ADAMTS9: variants seen among roughly 807,000 people sequenced by gnomAD.
ADAMTS9 encodes A disintegrin and metalloproteinase with thrombospondin motifs 9.
In ADAMTS9, 107 loss-of-function variants were observed where a neutral mutation model predicts 257.1. The observed-to-expected ratio is 0.42, with a 90% CI of 0.36 to 0.49. The LOEUF (loss-of-function observed/expected upper bound fraction) is 0.49. ADAMTS9 is among the 20% of genes least tolerant of loss of function. ADAMTS9 has a pLI of 0.03. For synonymous variants in ADAMTS9, 982 were observed against 880.9 expected, an observed-to-expected ratio of 1.11 and a Z score of -2.03; for missense variants, 2,353 against 2,469.1, an observed-to-expected ratio of 0.95 and a Z score of 1.00.
intron 14 of ADAMTS9, among the ~76,000 whole-genome samples, chr3:64,632,166 TCTACTGGATCAGAGTTGG>T (rs1380220115): frequency 6.6e-6 from 1 of 152,144 alleles, no homozygotes; most frequent in East Asian, 1.9e-4. Context: ...CCCACCCAGA[TCTACTGGATCAGAGTTGG>T]CATTTTAATA....
chr3:64,687,723 G>T lies in ADAMTS9; in HGVS notation c.-66C>A. 1 of 1,268,010 alleles carries T rather than the reference G, an allele frequency of 7.9e-7. No homozygotes were observed. Among genetic ancestry groups the T allele is most frequent in the Non-Finnish European group, 1.1e-6 (1 of 945,764 alleles). The allele number at this position is 1,268,010 out of a possible 1,614,324, so 78.5% of individuals were successfully genotyped here. A position where few individuals can be genotyped will look rare whatever the true frequency, so the allele number is the denominator to read the frequency against. On this transcript the variant is annotated 5_prime_UTR_variant, in exon 1 of 40. Coordinates refer to ENST00000498707, the MANE Select transcript of ADAMTS9 (RefSeq NM_182920.2). This position sits in a 1 kb window ranked among gnomAD's most constrained non-coding sequence, Gnocchi z 4.4. ...CCTCCTGCCCTCCTTGGCTGCGGCG[G>T]CGACGCGAGGCAGCGGCCGTGGAGA...
intron 16 of ADAMTS9, among the ~76,000 whole-genome samples, chr3:64,627,912 T>G (rs998353330): frequency 1.3e-5 from 2 of 152,198 alleles, no homozygotes; most frequent in African/African-American, 4.8e-5. Context: ...ACCTTCTCAG[T>G]GCATGTGCTG....
At chr3:64,664,084 A>G (rs1019592799) in intron 3 of ADAMTS9, among the ~76,000 whole-genome samples, 1 of 152,144 alleles carries the variant, frequency 6.6e-6, no homozygotes, top group African/African-American at 2.4e-5. Context: ...AGCTTTTAGT[A>G]TAATGCTAAA....
chr3:64,552,113 A>G (rs988951492), intron 30 of ADAMTS9, among the ~76,000 whole-genome samples: 1 of 152,206 alleles, frequency 6.6e-6, no homozygotes, highest in African/African-American at 2.4e-5. Flanking sequence ...TTTAACAATT[A>G]CTGTAATTCC....
At position 64,515,960 on chromosome 3, in the gene ADAMTS9, A is replaced by G. The variant is rs1264147959; in HGVS notation, c.*1167T>C. 3.3e-5 allele frequency: 5 copies of G among 152,196 alleles called. No homozygotes were observed. The highest frequency in any genetic ancestry group is 1.2e-4 in the African/African-American group (5 of 41,438). 9.4% of individuals were successfully genotyped at this position (152,196 alleles called of 1,614,324 possible). On this transcript the variant is annotated 3_prime_UTR_variant, in exon 40 of 40. Coordinates refer to ENST00000498707, the MANE Select transcript of ADAMTS9 (RefSeq NM_182920.2). ...TAACAAAAAAGTGAATTAATGAGCA[A>G]TCGGAAAGACTCAAAGCATTTTGTA...
intron 12 of ADAMTS9, among the ~76,000 whole-genome samples, chr3:64,636,256 G>T (rs997566362): frequency 2.0e-5 from 3 of 151,750 alleles, no homozygotes; most frequent in East Asian, 3.9e-4. Flanking sequence ...TAGTATTTTG[G>T]GATTTATTTT....
At position 64,686,392 on chromosome 3, in the gene ADAMTS9, G is replaced by C. The variant is rs927887531; in HGVS notation, c.516+176C>G. 6.6e-6 allele frequency among the ~76,000 whole-genome samples: 1 copy of C among 152,256 alleles called. No individual in the cohort carries two copies. The highest frequency in any genetic ancestry group is 1.5e-5 in the Non-Finnish European group (1 of 68,050). On this transcript the variant is annotated intron_variant, in intron 2 of 39. Transcript: ENST00000498707. The surrounding 1 kb of genome is among the most constrained non-coding windows in gnomAD (Gnocchi z 4.6). ...GCGGGTGTGTGCGCTCCACGCCAGT[G>C]TACTCGCACGCACAGAGCTAGCTAC...
chr3:64,606,601 G>T (rs912923688), intron 23 of ADAMTS9, among the ~76,000 whole-genome samples: 2 of 152,134 alleles, frequency 1.3e-5, no homozygotes, highest in African/African-American at 4.8e-5. Context: ...GCTCTTGTGA[G>T]CTGGTACAAG....
chr3:64,639,710 C>A (rs931348253), intron 12 of ADAMTS9, among the ~76,000 whole-genome samples: 1 of 152,054 alleles, frequency 6.6e-6, no homozygotes. Flanking sequence ...AATGTAGCCA[C>A]CAAATAGTTT....
intron 39 of ADAMTS9, among the ~76,000 whole-genome samples, chr3:64,518,684 G>T (rs2106863770): frequency 6.6e-6 from 1 of 151,984 alleles, no homozygotes; most frequent in South Asian, 2.1e-4. Context: ...CAGGGGTGTG[G>T]CACAGTGGAG....
In ADAMTS9 at chr3:64,554,262, C is replaced by G. The variant is rs546243220; in HGVS notation, c.4699-3200G>C. Among the ~76,000 whole-genome samples the G allele has an allele frequency of 1.8e-3, 280 of 152,246 alleles. 1 individual carries two copies. Among genetic ancestry groups the G allele is most frequent in the African/African-American group, 6.6e-3 (275 of 41,558 alleles). ...ACTACTGTAAAGACTATTTTGCCAG[C>G]GGTGGAAAGGGGAGCTGGAAAAATT... On this transcript the variant is annotated intron_variant, in intron 30 of 39. Transcript: ENST00000498707.
chr3:64,546,356 A>C (rs912414591), intron 32 of ADAMTS9, among the ~76,000 whole-genome samples: 5 of 152,166 alleles, frequency 3.3e-5, no homozygotes, highest in African/African-American at 1.2e-4. Context: ...TCATATCGAC[A>C]CTAAAAAATG....
chr3:64,571,201 A>G (rs1341531360), intron 28 of ADAMTS9, among the ~76,000 whole-genome samples: 1 of 152,230 alleles, frequency 6.6e-6, no homozygotes, highest in Non-Finnish European at 1.5e-5. Flanking sequence ...ACTCTCTCAC[A>G]TTTATGAGCC....
intron 16 of ADAMTS9, among the ~76,000 whole-genome samples, chr3:64,625,960 G>A (rs561963510): frequency 2.8e-4 from 42 of 152,280 alleles, no homozygotes; most frequent in Non-Finnish European, 4.3e-4. Context: ...CATGGTGGCA[G>A]TAAAGTGAAC....
chr3:64,527,066 A>G (rs1003804876), intron 38 of ADAMTS9, among the ~76,000 whole-genome samples: 5 of 152,192 alleles, frequency 3.3e-5, no homozygotes, highest in Non-Finnish European at 5.9e-5. Flanking sequence ...TATTGATCCT[A>G]AAGAATAAAA....
chr3:64,625,836 T>G (rs577592073), intron 16 of ADAMTS9, among the ~76,000 whole-genome samples: 1 of 152,334 alleles, frequency 6.6e-6, no homozygotes, highest in African/African-American at 2.4e-5. Flanking sequence ...ATAGCCTCCC[T>G]GTAACTTTAC....
intron 32 of ADAMTS9, among the ~76,000 whole-genome samples, chr3:64,545,519 A>G (rs892260212): frequency 1.3e-5 from 2 of 152,108 alleles, no homozygotes; most frequent in Non-Finnish European, 2.9e-5. Context: ...CAGAAAACCA[A>G]ACACTGCATG....
At position 64,604,301 on chromosome 3, in the gene ADAMTS9, G is replaced by T. The variant is rs867169419; in HGVS notation, c.3505C>A (p.Pro1169Thr). Residue 1169 changes from proline (P) to threonine (T), a missense_variant, in exon 24 of 40, where the codon CCA becomes ACA. Pro to Thr is a conservative substitution (Grantham distance 38). Transcript: ENST00000498707. ...DCELPSCHPP[P>T]AAPETRRSTY... Reference sequence around the variant, plus strand: ...CTTCTCCTCGTTTCCGGGGCAGCTGGGGGAGGATGACATGATGGTAATTCA... The same window carrying T: ...CTTCTCCTCGTTTCCGGGGCAGCTGTGGGAGGATGACATGATGGTAATTCA... 16 of 1,612,882 alleles carry T rather than the reference G, an allele frequency of 9.9e-6. No individual in the cohort carries two copies. The Middle Eastern group carries it at 1.3e-3, about 133-fold the overall frequency.
At chr3:64,615,236 C>T (rs751361665) in intron 21 of ADAMTS9, 85 bp downstream of exon 21, 10 of 1,470,998 alleles carry the variant, frequency 6.8e-6, no homozygotes, top group Non-Finnish European at 9.2e-6. Flanking sequence ...GAAAGGTGCA[C>T]AAGGGTTTGT....
Sources: gnomAD v4.1 joint callset for allele counts (sites outside exome capture counted in the v4.1 genomes callset) on GRCh38, gnomAD v4.1.1 for gene constraint, Gnocchi (gnomAD v3.1) non-coding constraint, MANE v1.5 for transcripts, NCBI Gene and HGNC (gene_info 2026-07-23, HGNC 2026-07-21) for gene names.